Variants in ADAMTS3 observed in about 807,000 individuals in gnomAD.
ADAMTS3 encodes A disintegrin and metalloproteinase with thrombospondin motifs 3.
In ADAMTS3, 73 loss-of-function variants were observed where a neutral mutation model predicts 129.0. That is an observed-to-expected ratio of 0.57 (90% CI 0.47 to 0.69). ADAMTS3 has a LOEUF of 0.69. Among genes scored for constraint, ADAMTS3 ranks in the 30% least tolerant of loss-of-function variants. The pLI, the probability that ADAMTS3 is intolerant of heterozygous loss-of-function variation, is 0.00. For synonymous variants in ADAMTS3, 477 were observed against 510.8 expected (o/e 0.93, Z 0.89); for missense variants, 1,457 against 1,514.5 (o/e 0.96, Z 0.63).
intron 2 of ADAMTS3, among the ~76,000 whole-genome samples, chr4:72,558,639 AG>A (rs1319336711): frequency 1.5e-4 from 22 of 151,666 alleles, no homozygotes; most frequent in African/African-American, 5.4e-4. Context: ...TGCCTGCCAC[AG>A]CCACTATCTC....
At chr4:72,547,763 G>T (rs906425496) in intron 3 of ADAMTS3, among the ~76,000 whole-genome samples, 1 of 152,072 alleles carries the variant, frequency 6.6e-6, no homozygotes, top group Non-Finnish European at 1.5e-5. Context: ...TTTTAAAACT[G>T]TTATTATTAG....
intron 3 of ADAMTS3, among the ~76,000 whole-genome samples, chr4:72,435,753 A>G (rs1041347387): frequency 1.3e-5 from 2 of 152,050 alleles, no homozygotes; most frequent in African/African-American, 2.4e-5. Context: ...GGAAATGGGG[A>G]AAGGATTTCC....
chr4:72,526,570 A>ATATGTGTG (rs375098241), intron 3 of ADAMTS3, among the ~76,000 whole-genome samples: 11 of 132,088 alleles, frequency 8.3e-5, no homozygotes, highest in Admixed American at 7.1e-4. Flanking sequence ...AATGAAATTT[A>ATATGTGTG]TGTGTGTGTG....
At chr4:72,424,556 C>A (rs1461832137) in intron 3 of ADAMTS3, among the ~76,000 whole-genome samples, 1 of 152,050 alleles carries the variant, frequency 6.6e-6, no homozygotes, top group Non-Finnish European at 1.5e-5. Flanking sequence ...TTCAACTATA[C>A]TAAAATGCTA....
chr4:72,477,332 A>C (rs1258130061), intron 3 of ADAMTS3, among the ~76,000 whole-genome samples: 2 of 152,176 alleles, frequency 1.3e-5, no homozygotes, highest in African/African-American at 4.8e-5. Flanking sequence ...AGAAATTATA[A>C]CAAACTGTCT....
rs368813987 is a variant in ADAMTS3, at chr4:72,567,489, C to A, written c.70-88G>T. ...GTTTTATTTCTACCATTAATGGTTT[C>A]CAAGAGCTAACTAATCAGGAGATGC... On this transcript the variant is annotated intron_variant, in intron 1 of 21. Coordinates refer to ENST00000286657, the MANE Select transcript of ADAMTS3 (RefSeq NM_014243.3). 2.2e-6 allele frequency: 3 copies of A among 1,361,992 alleles called. No individual in the cohort carries two copies. The African/African-American group carries it at 4.3e-5, about 20-fold the overall frequency. The allele number at this position is 1,361,992 out of a possible 1,614,324, so 84.4% of individuals were successfully genotyped here.
intron 4 of ADAMTS3, among the ~76,000 whole-genome samples, chr4:72,354,727 T>A (rs1720533129): frequency 6.6e-6 from 1 of 152,048 alleles, no homozygotes; most frequent in African/African-American, 2.4e-5. Context: ...TCAACAGTCT[T>A]CTTGTATAAC....
At chr4:72,391,615 C>T (rs182629910) in intron 4 of ADAMTS3, among the ~76,000 whole-genome samples, 4 of 152,064 alleles carry the variant, frequency 2.6e-5, no homozygotes, top group Admixed American at 1.3e-4. Flanking sequence ...ACTTTACTTG[C>T]GCCATTTGAA....
chr4:72,476,739 A>C (rs1357600559), intron 3 of ADAMTS3, among the ~76,000 whole-genome samples: 2 of 152,122 alleles, frequency 1.3e-5, no homozygotes, highest in Non-Finnish European at 2.9e-5. Context: ...TTCATGCAAA[A>C]AATCATTAAC....
chr4:72,559,976 G>A (rs1721862329), intron 2 of ADAMTS3, among the ~76,000 whole-genome samples: 1 of 151,696 alleles, frequency 6.6e-6, no homozygotes. Context: ...AAACAGCCTG[G>A]TACTGACACA....
chr4:72,373,950 T>C (rs1198787621), intron 4 of ADAMTS3, among the ~76,000 whole-genome samples: 1 of 136,738 alleles, frequency 7.3e-6, no homozygotes, highest in Non-Finnish European at 1.6e-5. Flanking sequence ...ATAATAATAA[T>C]AGGAAAGTAT....
intron 7 of ADAMTS3, 90 bp from the exon 8 acceptor site, chr4:72,320,053 A>T: frequency 9.6e-7 from 1 of 1,038,666 alleles, no homozygotes; most frequent in East Asian, 2.6e-5. Context: ...GGAAAAAAGT[A>T]AAAGCCTTTC....
In ADAMTS3 at chr4:72,288,958, AC is replaced by A. The variant is rs1718588143; in HGVS notation, c.2932-91del. 4 of 777,638 alleles carry A rather than the reference AC, an allele frequency of 5.1e-6. No homozygotes were observed. The South Asian group carries it at 6.4e-5, about 12-fold the overall frequency. The allele number at this position is 777,638 out of a possible 1,614,324, so 48.2% of individuals were successfully genotyped here. A position where few individuals can be genotyped will look rare whatever the true frequency, so the allele number is the denominator to read the frequency against. ...CACACACACACACACACACACACAC[AC>A]ACACACACAAAGACACAGAGATCTG... On this transcript the variant is annotated intron_variant, in intron 20 of 21. Transcript: ENST00000286657.
Position 72,568,814 on chromosome 4 carries a change from A to ATGGCC in ADAMTS3, c.-53_-52insGGCCA. 7.4e-7 allele frequency: 1 copy of ATGGCC among 1,354,100 alleles called. No individual in the cohort carries two copies. Among genetic ancestry groups the ATGGCC allele is most frequent in the Non-Finnish European group, 1.0e-6 (1 of 980,440 alleles). 83.9% of individuals were successfully genotyped at this position (1,354,100 alleles called of 1,614,324 possible). ...CTGGGCAAAGCAAATGCCCAGAGCA[A>ATGGCC]ACCCACCCCCCCCGCCCAAAATAAG... On this transcript the variant is annotated 5_prime_UTR_variant, in exon 1 of 22. Transcript: ENST00000286657.
chr4:72,455,843 CTATATATTTTA>C (rs1553916040), intron 3 of ADAMTS3, among the ~76,000 whole-genome samples: 3 of 65,654 alleles, frequency 4.6e-5, no homozygotes, highest in African/African-American at 1.4e-4. Flanking sequence ...AGTGTATATA[CTATATATTTTA>C]TATATAGTAT....
At chr4:72,285,191 A>G (rs573596892) in intron 21 of ADAMTS3, among the ~76,000 whole-genome samples, 1 of 152,318 alleles carries the variant, frequency 6.6e-6, no homozygotes, top group African/African-American at 2.4e-5. Flanking sequence ...AAAATTACCA[A>G]CATTGAGCTG....
At chr4:72,446,919 A>T (rs1718267646) in intron 3 of ADAMTS3, among the ~76,000 whole-genome samples, 1 of 151,704 alleles carries the variant, frequency 6.6e-6, no homozygotes, top group Non-Finnish European at 1.5e-5. Flanking sequence ...TGCCAACTCA[A>T]ATTTAAAACC....
At chr4:72,436,505 G>A (rs1717930292) in intron 3 of ADAMTS3, among the ~76,000 whole-genome samples, 2 of 152,092 alleles carry the variant, frequency 1.3e-5, no homozygotes, top group South Asian at 4.2e-4. Context: ...CCCATTACTG[G>A]GTATATACCC....
intron 4 of ADAMTS3, among the ~76,000 whole-genome samples, chr4:72,409,315 T>C (rs540254840): frequency 3.3e-5 from 5 of 152,194 alleles, no homozygotes; most frequent in Non-Finnish European, 7.3e-5. Context: ...CATGAATCAG[T>C]AATTGATACA....
Sources: allele counts gnomAD v4.1 joint callset (sites outside exome capture counted in the v4.1 genomes callset), GRCh38; gene constraint gnomAD v4.1.1; transcripts MANE v1.5; gene names NCBI Gene and HGNC (gene_info 2026-07-23, HGNC 2026-07-21).